AFF3: variants seen among roughly 807,000 people sequenced by gnomAD.
AFF3 encodes the protein AF4/FMR2 family member 3.
A neutral mutation model predicts 129.7 loss-of-function variants in AFF3; 32 were observed. The observed-to-expected ratio is 0.25, with a 90% CI of 0.19 to 0.33. AFF3 has a LOEUF of 0.33. Ranked by LOEUF, AFF3 falls within the 10% of genes least tolerant of loss-of-function variation. The probability of loss-of-function intolerance (pLI) is 1.00; values close to 1 mark genes in which losing one functional copy is unlikely to be tolerated. For missense variants in AFF3, 1,373 were observed against 1,592.0 expected, an observed-to-expected ratio of 0.86 and a Z score of 2.34; for synonymous variants, 644 against 635.4, an observed-to-expected ratio of 1.01 and a Z score of -0.20.
intron 8 of AFF3, among the ~76,000 whole-genome samples, chr2:99,799,921 C>T (rs1685811060): frequency 6.6e-6 from 1 of 152,134 alleles, no homozygotes; most frequent in Non-Finnish European, 1.5e-5. Flanking sequence ...TTTCCATCCA[C>T]ACTTCACAAT....
intron 7 of AFF3, among the ~76,000 whole-genome samples, chr2:99,891,800 A>G (rs1183459793): frequency 6.6e-6 from 1 of 151,146 alleles, no homozygotes; most frequent in Non-Finnish European, 1.5e-5. Context: ...TTTCTCTCTC[A>G]GGCCCTGGGC....
At chr2:99,650,800 G>A (rs1308728169) in intron 12 of AFF3, among the ~76,000 whole-genome samples, 2 of 118,298 alleles carry the variant, frequency 1.7e-5, no homozygotes, top group Admixed American at 8.5e-5. Flanking sequence ...AAATTAATGT[G>A]TGTGTGTGTG....
intron 7 of AFF3, among the ~76,000 whole-genome samples, chr2:99,912,223 C>T (rs372147910): frequency 2.6e-5 from 4 of 152,150 alleles, no homozygotes; most frequent in East Asian, 3.9e-4. Context: ...TTATTAGAGG[C>T]TTAGGGCAAA....
At chr2:99,887,206 C>G (rs945514109) in intron 7 of AFF3, among the ~76,000 whole-genome samples, 3 of 152,162 alleles carry the variant, frequency 2.0e-5, no homozygotes, top group African/African-American at 7.2e-5. Context: ...CCTAAAAGGT[C>G]TAAGGCAAAT....
intron 10 of AFF3, among the ~76,000 whole-genome samples, chr2:99,731,743 G>A (rs188680448): frequency 4.4e-4 from 67 of 152,306 alleles, no homozygotes; most frequent in African/African-American, 1.6e-3. Flanking sequence ...AGCTTGAGTA[G>A]ACCTGAACAG....
rs144081514 is a variant in AFF3 at position 99,593,597 on chromosome 2, G to A, written c.2064C>T (p.Tyr688=). 2.5e-6 allele frequency: 4 copies of A among 1,612,458 alleles called. No individual in the cohort carries two copies. The highest frequency in any genetic ancestry group is 2.7e-5 in the African/African-American group (2 of 74,916). The part of the protein sequence containing the change: ...DSDLESEQEE[Y]PLSKAQTVAA... ...CCACGGTCTGTGCTTTGGACAGAGG[G>A]TACTCCTCCTGCTCGGACTCCAGGT... Residue 688 remains tyrosine, a synonymous_variant, in exon 15 of 25, where the codon TAC becomes TAT. Coordinates refer to ENST00000672756, the MANE Select transcript of AFF3 (RefSeq NM_001386135.1).
chr2:99,873,896 C>T (rs1278861683), intron 7 of AFF3, among the ~76,000 whole-genome samples: 5 of 152,056 alleles, frequency 3.3e-5, no homozygotes, highest in South Asian at 4.1e-4. Context: ...GAAGCTGGGC[C>T]GGGCGCGGTG....
chr2:99,940,165 C>G (rs1297907534), intron 7 of AFF3, among the ~76,000 whole-genome samples: 1 of 152,142 alleles, frequency 6.6e-6, no homozygotes, highest in East Asian at 1.9e-4. Flanking sequence ...TGCACAGGGT[C>G]TATGTATGCT....
intron 4 of AFF3, among the ~76,000 whole-genome samples, chr2:100,054,509 C>G (rs1686610103): frequency 6.6e-6 from 1 of 152,120 alleles, no homozygotes; most frequent in Non-Finnish European, 1.5e-5. Flanking sequence ...TTTTCCCTGC[C>G]TTTGGACTCA....
chr2:99,565,155 ATT>A (rs765228337), intron 20 of AFF3, among the ~76,000 whole-genome samples: 4 of 145,130 alleles, frequency 2.8e-5, no homozygotes, highest in Non-Finnish European at 3.0e-5. Flanking sequence ...CCTGAACCAG[ATT>A]TTTTTTTTTT....
intron 4 of AFF3, among the ~76,000 whole-genome samples, chr2:100,056,544 G>A (rs1194956926): frequency 6.6e-6 from 1 of 152,030 alleles, no homozygotes; most frequent in Non-Finnish European, 1.5e-5. Context: ...AGTTCCTTCC[G>A]TGCCCAGGAG....
chr2:99,767,808 G>C (rs1310512558), intron 8 of AFF3, among the ~76,000 whole-genome samples: 1 of 152,192 alleles, frequency 6.6e-6, no homozygotes, highest in African/African-American at 2.4e-5. Flanking sequence ...AGCTGGGTGC[G>C]GTGGCAGGCA....
At chr2:100,108,633 C>A (rs1267950485) in intron 2 of AFF3, among the ~76,000 whole-genome samples, 1 of 152,116 alleles carries the variant, frequency 6.6e-6, no homozygotes, top group Admixed American at 6.6e-5. Context: ...TGGTTTTGAA[C>A]TGGCTGGGAA....
chr2:99,770,518 CT>C (rs1242481905), intron 8 of AFF3, among the ~76,000 whole-genome samples: 1 of 152,164 alleles, frequency 6.6e-6, no homozygotes, highest in Non-Finnish European at 1.5e-5. Context: ...GACCAAGTCC[CT>C]TTTACTTTTC....
intron 7 of AFF3, among the ~76,000 whole-genome samples, chr2:99,839,229 C>G (rs1396221308): frequency 6.6e-6 from 1 of 152,008 alleles, no homozygotes; most frequent in South Asian, 2.1e-4. Context: ...TCTGCCTCAG[C>G]CTCTCGAGTA....
chr2:99,986,908 A>G (rs1319653525), intron 7 of AFF3, among the ~76,000 whole-genome samples: 2 of 152,236 alleles, frequency 1.3e-5, no homozygotes, highest in African/African-American at 2.4e-5. Context: ...AAGTAAACTT[A>G]GGAAACAAGT....
Position 99,549,931 on chromosome 2 carries a change from A to C in AFF3, c.*1543T>G, listed in dbSNP as rs1674290645. Reference sequence around the variant, plus strand: ...TCACCTTGAAAAAATGGATTGCACCACATATTACACCGCCTGCCTTTCTCA... The same window carrying C: ...TCACCTTGAAAAAATGGATTGCACCCCATATTACACCGCCTGCCTTTCTCA... On this transcript the variant is annotated 3_prime_UTR_variant, in exon 25 of 25. Transcript: ENST00000672756. 1 of 227,976 alleles carries C rather than the reference A, an allele frequency of 4.4e-6. No homozygotes were observed. Among genetic ancestry groups the C allele is most frequent in the South Asian group, 1.8e-4 (1 of 5,488 alleles). The allele number at this position is 227,976 out of a possible 1,614,324, so 14.1% of individuals were successfully genotyped here. A position where few individuals can be genotyped will look rare whatever the true frequency, so the allele number is the denominator to read the frequency against.
chr2:99,613,874 T>C (rs1033722987), intron 13 of AFF3, among the ~76,000 whole-genome samples: 4 of 152,250 alleles, frequency 2.6e-5, no homozygotes, highest in Non-Finnish European at 4.4e-5. Flanking sequence ...TGAAGTAGTT[T>C]TTAAGTCTTG....
chr2:99,547,527 C>T lies in AFF3; in HGVS notation c.*3947G>A, dbSNP rs1674120369. Reference sequence around the variant, plus strand: ...TTTTTTTTGGTGATGCAGATTTCAACAGTAACTCTGGAAAACTGTGAAAAA... The same window carrying T: ...TTTTTTTTGGTGATGCAGATTTCAATAGTAACTCTGGAAAACTGTGAAAAA... On this transcript the variant is annotated 3_prime_UTR_variant, in exon 25 of 25. Transcript: ENST00000672756. 1 of 200,056 alleles carries T rather than the reference C, an allele frequency of 5.0e-6. No individual in the cohort carries two copies. The highest frequency in any genetic ancestry group is 6.1e-5 in the Admixed American group (1 of 16,422). The allele number at this position is 200,056 out of a possible 1,614,324, so 12.4% of individuals were successfully genotyped here.
Sources: allele counts gnomAD v4.1 joint callset (sites outside exome capture counted in the v4.1 genomes callset), GRCh38; gene constraint gnomAD v4.1.1; transcripts MANE v1.5; gene names NCBI Gene and HGNC (gene_info 2026-07-23, HGNC 2026-07-21).